The following MACROD2 variants were observed in gnomAD, a reference collection of about 807,000 sequenced individuals.
The protein encoded by MACROD2 is mono-ADP ribosylhydrolase 2.
MACROD2 carries 36 observed loss-of-function variants against 70.4 expected under a neutral mutation model. That is an observed-to-expected ratio of 0.51 (90% CI 0.39 to 0.68). The LOEUF (loss-of-function observed/expected upper bound fraction) is 0.68. Ranked by LOEUF, MACROD2 falls within the 30% of genes least tolerant of loss-of-function variation. The probability of loss-of-function intolerance (pLI) is 0.00; values close to 1 mark genes in which losing one functional copy is unlikely to be tolerated. For synonymous variants in MACROD2, 172 were observed against 178.8 expected (o/e 0.96, Z 0.30); for missense variants, 496 against 538.4 (o/e 0.92, Z 0.78).
At chr20:14,645,306 G>C (rs1447336740) in intron 4 of MACROD2, among the ~76,000 whole-genome samples, 3 of 152,028 alleles carry the variant, frequency 2.0e-5, no homozygotes, top group African/African-American at 7.2e-5. Flanking sequence ...GTAGTTGAAT[G>C]AATGAATAAT....
At chr20:15,241,170 G>C (rs2077056799) in intron 6 of MACROD2, among the ~76,000 whole-genome samples, 1 of 152,144 alleles carries the variant, frequency 6.6e-6, no homozygotes, top group Non-Finnish European at 1.5e-5. Flanking sequence ...TTATTGTGAG[G>C]CTATAAAGAA....
At chr20:15,992,053 TAGA>T (rs1279396669) in intron 15 of MACROD2, among the ~76,000 whole-genome samples, 4 of 152,208 alleles carry the variant, frequency 2.6e-5, no homozygotes, top group Non-Finnish European at 4.4e-5. Context: ...TTAAAAAACA[TAGA>T]AGAATAAAAG....
chr20:14,432,087 T>C (rs576716656), intron 3 of MACROD2, among the ~76,000 whole-genome samples: 3 of 152,302 alleles, frequency 2.0e-5, no homozygotes, highest in South Asian at 2.1e-4. Context: ...AAGAATATCA[T>C]GGCATAAAAT....
At chr20:15,542,060 G>A (rs1294256770) in intron 8 of MACROD2, among the ~76,000 whole-genome samples, 1 of 152,208 alleles carries the variant, frequency 6.6e-6, no homozygotes. Flanking sequence ...AATGCATGCA[G>A]GTGACAGTCT....
intron 8 of MACROD2, among the ~76,000 whole-genome samples, chr20:15,821,672 C>T (rs2063939821): frequency 1.3e-5 from 2 of 152,150 alleles, no homozygotes; most frequent in African/African-American, 4.8e-5. Context: ...ACGCATCTTT[C>T]TTGTCATTAT....
chr20:15,701,499 G>A (rs148364678), intron 8 of MACROD2, among the ~76,000 whole-genome samples: 56 of 152,032 alleles, frequency 3.7e-4, no homozygotes, highest in African/African-American at 1.2e-3. Context: ...TAACTCTAGC[G>A]CATGTTCCAA....
chr20:15,541,874 T>G (rs528825960), intron 8 of MACROD2, among the ~76,000 whole-genome samples: 1 of 152,230 alleles, frequency 6.6e-6, no homozygotes, highest in Admixed American at 6.5e-5. Context: ...CATATAATGC[T>G]CTCCCTTCCC....
intron 4 of MACROD2, among the ~76,000 whole-genome samples, chr20:14,668,055 G>C (rs1387868376): frequency 1.3e-5 from 2 of 152,028 alleles, no homozygotes; most frequent in African/African-American, 4.8e-5. Flanking sequence ...CTCGGGGACT[G>C]AGGCAGGAGG....
chr20:15,105,757 T>A (rs1435021581), intron 5 of MACROD2, among the ~76,000 whole-genome samples: 1 of 152,158 alleles, frequency 6.6e-6, no homozygotes, highest in Non-Finnish European at 1.5e-5. Context: ...GCCTACCCCA[T>A]GCCACGTGCT....
In MACROD2 at chr20:14,947,230, G is replaced by A. The variant is rs78587854; in HGVS notation, c.418+262271G>A. 7.2e-3 allele frequency among the ~76,000 whole-genome samples: 1,089 copies of A among 152,286 alleles called. 13 individuals are homozygous for A. The highest frequency in any genetic ancestry group is 0.024 in the African/African-American group (1,008 of 41,558). On this transcript the variant is annotated intron_variant, in intron 5 of 17. Coordinates refer to ENST00000684519, the MANE Select transcript of MACROD2 (RefSeq NM_001351661.2). ...GGCTCACATCTTTTAACAAATGTACGTCTTTGAAAAGTGCATTTTGCTCTA... is the reference window on the plus strand; with the variant it reads ...GGCTCACATCTTTTAACAAATGTACATCTTTGAAAAGTGCATTTTGCTCTA...
At chr20:14,489,286 G>T (rs867629993) in intron 3 of MACROD2, among the ~76,000 whole-genome samples, 2 of 152,186 alleles carry the variant, frequency 1.3e-5, no homozygotes, top group Admixed American at 6.5e-5. Flanking sequence ...GAGGCCTGTT[G>T]CCAGATTGAT....
At chr20:15,123,647 G>A (rs188430797) in intron 5 of MACROD2, among the ~76,000 whole-genome samples, 25 of 152,038 alleles carry the variant, frequency 1.6e-4, no homozygotes, top group Non-Finnish European at 7.4e-5. Flanking sequence ...TTGAAATCAC[G>A]TGTGTGGCTC....
chr20:14,971,507 A>G (rs2122802756), intron 5 of MACROD2, among the ~76,000 whole-genome samples: 1 of 152,248 alleles, frequency 6.6e-6, no homozygotes, highest in Non-Finnish European at 1.5e-5. Flanking sequence ...TGTTCTAAGT[A>G]TCTATTGATA....
intron 3 of MACROD2, among the ~76,000 whole-genome samples, chr20:14,205,781 A>G (rs942312820): frequency 1.3e-5 from 2 of 152,198 alleles, no homozygotes; most frequent in Non-Finnish European, 2.9e-5. Context: ...TGTAGGAGAA[A>G]AATAGCTCAA....
intron 6 of MACROD2, among the ~76,000 whole-genome samples, chr20:15,338,690 G>T (rs927916971): frequency 2.6e-5 from 4 of 151,618 alleles, no homozygotes; most frequent in Non-Finnish European, 5.9e-5. Flanking sequence ...GCCTAGGGGG[G>T]TAAGTTACTT....
chr20:14,901,984 A>G (rs562990718), intron 5 of MACROD2, among the ~76,000 whole-genome samples: 5 of 152,182 alleles, frequency 3.3e-5, no homozygotes, highest in South Asian at 2.1e-4. Context: ...TATAAAATTT[A>G]TACAGTGGAA....
In MACROD2 at chr20:15,993,990, C is replaced by T. The variant is rs551529615; in HGVS notation, c.1153+6832C>T. ...GACACCCAACCTTCCACCCCAGTGA[C>T]ACCCAGGGATCTCTTTTATCCATTG... On this transcript the variant is annotated intron_variant, in intron 15 of 17. Coordinates refer to ENST00000684519, the MANE Select transcript of MACROD2 (RefSeq NM_001351661.2). Among the ~76,000 whole-genome samples, 50 of 152,298 alleles carry T rather than the reference C, an allele frequency of 3.3e-4. 1 individual carries two copies. In the South Asian group the frequency reaches 3.7e-3, roughly 11 times the overall value.
chr20:15,547,544 C>T (rs1052248166), intron 8 of MACROD2, among the ~76,000 whole-genome samples: 3 of 152,114 alleles, frequency 2.0e-5, no homozygotes, highest in Admixed American at 6.5e-5. Flanking sequence ...GGAATAATAC[C>T]GCTCATATTA....
intron 8 of MACROD2, among the ~76,000 whole-genome samples, chr20:15,785,228 A>C (rs1006528373): frequency 6.6e-6 from 1 of 152,178 alleles, no homozygotes; most frequent in African/African-American, 2.4e-5. Context: ...TCTCTAACTG[A>C]ACAAGAGCCA....
Sources: allele counts gnomAD v4.1 joint callset (sites outside exome capture counted in the v4.1 genomes callset), GRCh38; gene constraint gnomAD v4.1.1; transcripts MANE v1.5; gene names NCBI Gene and HGNC (gene_info 2026-07-23, HGNC 2026-07-21).